SLC17A5: variants seen among roughly 807,000 people sequenced by gnomAD.
The protein encoded by SLC17A5 is solute carrier family 17 member 5, also known as sialin.
SLC17A5 carries 47 observed loss-of-function variants against 59.4 expected under a neutral mutation model. That is an observed-to-expected ratio of 0.79 (90% CI 0.63 to 1.01). The LOEUF is 1.01. SLC17A5 is among the 50% of genes least tolerant of loss of function. The probability of loss-of-function intolerance (pLI) is 0.00; values close to 1 mark genes in which losing one functional copy is unlikely to be tolerated. For missense variants in SLC17A5, 522 were observed against 595.5 expected, an observed-to-expected ratio of 0.88 and a Z score of 1.28; for synonymous variants, 202 against 210.7, an observed-to-expected ratio of 0.96 and a Z score of 0.36.
Position 73,644,499 on chromosome 6 carries a change from T to C in SLC17A5, c.199A>G (p.Met67Val), listed in dbSNP as rs1404320527. ...RVNLSVALVDMVDSNTTLEDN... is the reference protein window; with the variant it reads ...RVNLSVALVDVVDSNTTLEDN... ...TCTAAAGTTGTATTTGAATCTACCATATCCACTAACGCAACACTCAGATTC... is the reference window on the plus strand; with the variant it reads ...TCTAAAGTTGTATTTGAATCTACCACATCCACTAACGCAACACTCAGATTC... Residue 67 changes from methionine (M) to valine (V), a missense_variant, in exon 2 of 11, where the codon ATG (methionine) becomes GTG (valine). Physicochemically the swap from Met to Val is conservative, Grantham distance 21. Around this residue, in one of 3 missense-constraint regions of SLC17A5, gnomAD observed 338 missense variants for 363.8 expected, o/e 0.93. Transcript: ENST00000355773. 1.2e-6 allele frequency: 2 copies of C among 1,613,892 alleles called. No individual in the cohort carries two copies. The highest frequency in any genetic ancestry group is 2.7e-5 in the African/African-American group (2 of 74,918).
Position 73,594,803 on chromosome 6 carries a change from A to G in SLC17A5, c.*274T>C. The G allele has an allele frequency of 2.2e-6, 1 of 445,432 alleles. No homozygotes were observed. The highest frequency in any genetic ancestry group is 2.2e-5 in the South Asian group (1 of 44,900). The allele number at this position is 445,432 out of a possible 1,614,324, so 27.6% of individuals were successfully genotyped here. A position where few individuals can be genotyped will look rare whatever the true frequency, so the allele number is the denominator to read the frequency against. On this transcript the variant is annotated 3_prime_UTR_variant, in exon 11 of 11. Transcript: ENST00000355773. The stretch of plus-strand genomic sequence containing the variant: ...CTCATTCCCTTTAGTATGGCCCTAA[A>G]AAATCAACAGAACTGTCCTACTTCA...
At chr6:73,622,803 G>T (rs980206056) in intron 6 of SLC17A5, among the ~76,000 whole-genome samples, 3 of 152,052 alleles carry the variant, frequency 2.0e-5, no homozygotes, top group Non-Finnish European at 2.9e-5. Context: ...CACCATAGGG[G>T]TATGCAAGAT....
chr6:73,603,609 G>A (rs146996030), intron 9 of SLC17A5, among the ~76,000 whole-genome samples: 254 of 150,804 alleles, frequency 1.7e-3, no homozygotes, highest in Non-Finnish European at 2.6e-3. Context: ...TAGTAGAAAC[G>A]GGGTTTCACC....
chr6:73,613,691 A>G (rs1006207799), intron 8 of SLC17A5, among the ~76,000 whole-genome samples: 13 of 152,246 alleles, frequency 8.5e-5, no homozygotes, highest in Non-Finnish European at 1.6e-4. Context: ...CTCAAAATGT[A>G]TGATTCAAAA....
Position 73,641,905 on chromosome 6 carries a change from T to A in SLC17A5, c.311A>T (p.Asp104Val). 6.2e-7 allele frequency: 1 copy of A among 1,614,116 alleles called. No individual in the cohort carries two copies. Among genetic ancestry groups the A allele is most frequent in the Non-Finnish European group, 8.5e-7 (1 of 1,179,964 alleles). Residue 104 changes from aspartate to valine, a missense_variant, in exon 3 of 11, where the codon GAT becomes GTT. Physicochemically the swap from Asp to Val is radical, Grantham distance 152 (BLOSUM62 -3). Transcript: ENST00000355773. Reference sequence around the variant, plus strand: ...GAGAATCCATCCTTGAGTTTCTGCATCCCATTGGTACTTCTTACCCTACAA... The same window carrying A: ...GAGAATCCATCCTTGAGTTTCTGCAACCCATTGGTACTTCTTACCCTACAA... ...HNQTGKKYQW[D>V]AETQGWILGS...
At chr6:73,647,139 A>G (rs1769615967) in intron 1 of SLC17A5, among the ~76,000 whole-genome samples, 1 of 152,266 alleles carries the variant, frequency 6.6e-6, no homozygotes, top group Non-Finnish European at 1.5e-5. Context: ...TTGTCAATGC[A>G]GCATTTAAAA....
At chr6:73,598,450 G>T (rs1289560141) in intron 10 of SLC17A5, among the ~76,000 whole-genome samples, 1 of 151,678 alleles carries the variant, frequency 6.6e-6, no homozygotes, top group Non-Finnish European at 1.5e-5. Context: ...GGCCAACATG[G>T]TGAAACCCCA....
rs188202733 is a variant in SLC17A5 at position 73,634,617 on chromosome 6, C to A, written c.819+765G>T. ...GTTTTGTCATGTTGGCCGGGCTGATCTCGAACTCCTGACCTCAGGCGATCC... is the reference window on the plus strand; with the variant it reads ...GTTTTGTCATGTTGGCCGGGCTGATATCGAACTCCTGACCTCAGGCGATCC... On this transcript the variant is annotated intron_variant, in intron 6 of 10. Transcript: ENST00000355773. Among the ~76,000 whole-genome samples, 130 of 152,288 alleles carry A rather than the reference C, an allele frequency of 8.5e-4. 1 individual carries two copies. The highest frequency in any genetic ancestry group is 1.7e-3 in the Non-Finnish European group (114 of 68,034).
chr6:73,631,920 C>T (rs1768735247), intron 6 of SLC17A5, among the ~76,000 whole-genome samples: 1 of 151,042 alleles, frequency 6.6e-6, no homozygotes, highest in Admixed American at 6.6e-5. Context: ...TGAGTAGATG[C>T]TGCACATTTC....
At chr6:73,651,866 T>TA (rs941952832) in intron 1 of SLC17A5, among the ~76,000 whole-genome samples, 1 of 152,188 alleles carries the variant, frequency 6.6e-6, no homozygotes, top group Non-Finnish European at 1.5e-5. Context: ...GTAGTTATGT[T>TA]AAAAAGAGTC....
chr6:73,615,524 G>T, intron 7 of SLC17A5, 77 bp from the exon 8 acceptor site: 1 of 1,442,226 alleles, frequency 6.9e-7, no homozygotes, highest in Non-Finnish European at 9.7e-7. Flanking sequence ...CACAGCCAAT[G>T]ACCACCACTT....
chr6:73,645,482 C>A, intron 1 of SLC17A5: 2 of 985,074 alleles, frequency 2.0e-6, no homozygotes, highest in South Asian at 4.7e-5. Flanking sequence ...AGTGAATGTA[C>A]CACCATGATT....
intron 9 of SLC17A5, among the ~76,000 whole-genome samples, chr6:73,605,263 A>C (rs1691353): frequency 0.11 from 16,308 of 152,190 alleles, 1,030 homozygotes; most frequent in Middle Eastern, 0.18. Flanking sequence ...GTTAAAAAAA[A>C]CAAAACACAG....
At chr6:73,629,826 G>A (rs905416139) in intron 6 of SLC17A5, among the ~76,000 whole-genome samples, 2 of 151,960 alleles carry the variant, frequency 1.3e-5, no homozygotes, top group Non-Finnish European at 2.9e-5. Flanking sequence ...AAAAATAGCA[G>A]ATATATAGGA....
chr6:73,610,780 G>A (rs1396074479), intron 8 of SLC17A5, among the ~76,000 whole-genome samples: 1 of 152,156 alleles, frequency 6.6e-6, no homozygotes, highest in African/African-American at 2.4e-5. Context: ...AAATCTACAT[G>A]TGGCCAAAAC....
Position 73,595,008 on chromosome 6 carries a change from A to C in SLC17A5, c.*69T>G, listed in dbSNP as rs1481298145. 3 of 1,539,812 alleles carry C rather than the reference A, an allele frequency of 1.9e-6. No homozygotes were observed. In the East Asian group the frequency reaches 6.7e-5, roughly 35 times the overall value. On this transcript the variant is annotated 3_prime_UTR_variant, in exon 11 of 11. Transcript: ENST00000355773. ...AAGACATAGAATGCTTACACAATAC[A>C]GAAGGCACTTTGAGGTTACATGATA...
In SLC17A5 at chr6:73,638,490, A is replaced by G; in HGVS notation, c.535T>C (p.Phe179Leu). The G allele has an allele frequency of 6.2e-7, 1 of 1,613,266 alleles. No individual in the cohort carries two copies. Among genetic ancestry groups the G allele is most frequent in the Non-Finnish European group, 8.5e-7 (1 of 1,179,228 alleles). Residue 179 changes from phenylalanine (F) to leucine (L), a missense_variant, in exon 4 of 11, where the codon TTT becomes CTT. By Grantham distance (22) the Phe-to-Leu change is conservative (BLOSUM62 0). Around this residue, in one of 3 missense-constraint regions of SLC17A5, gnomAD observed 338 missense variants for 363.8 expected, o/e 0.93. Transcript: ENST00000355773. ...GACCACATGGCATGCATGGCTGGAAATGTAACACCCTGAGAGAAGGGAACA... is the reference window on the plus strand; with the variant it reads ...GACCACATGGCATGCATGGCTGGAAGTGTAACACCCTGAGAGAAGGGAACA... ...ALEGLGEGVTFPAMHAMWSSW... is the reference protein window; with the variant it reads ...ALEGLGEGVTLPAMHAMWSSW...
At chr6:73,601,848 C>G (rs1407796665) in intron 9 of SLC17A5, among the ~76,000 whole-genome samples, 46 of 149,878 alleles carry the variant, frequency 3.1e-4, no homozygotes, top group African/African-American at 1.1e-3. Flanking sequence ...CCAGCCGCCC[C>G]GTCCGGGAGG....
chr6:73,620,201 G>A (rs1180100910), intron 7 of SLC17A5, among the ~76,000 whole-genome samples: 1 of 152,246 alleles, frequency 6.6e-6, no homozygotes, highest in East Asian at 1.9e-4. Flanking sequence ...GGTATTACAG[G>A]TGTGAACCAC....
Sources: allele counts gnomAD v4.1 joint callset (sites outside exome capture counted in the v4.1 genomes callset), GRCh38; gene constraint gnomAD v4.1.1; regional missense constraint gnomAD v4.1.1; transcripts MANE v1.5; gene names NCBI Gene and HGNC (gene_info 2026-07-23, HGNC 2026-07-21).